The following DPP6 variants were observed in gnomAD, a reference collection of about 807,000 sequenced individuals.
DPP6 encodes the protein dipeptidyl peptidase like 6.
DPP6 carries 69 observed loss-of-function variants against 122.6 expected under a neutral mutation model. That is an observed-to-expected ratio of 0.56 (90% CI 0.46 to 0.69). DPP6 has a LOEUF of 0.69. Ranked by LOEUF, DPP6 falls within the 30% of genes least tolerant of loss-of-function variation. The pLI is 0.00. For synonymous variants in DPP6, 418 were observed against 433.1 expected, an observed-to-expected ratio of 0.97 and a Z score of 0.43; for missense variants, 928 against 1,116.9, an observed-to-expected ratio of 0.83 and a Z score of 2.41.
At chr7:153,779,325 A>G in the DPP6 span, among the ~76,000 whole-genome samples, 1,247 of 151,534 alleles carry the variant, frequency 8.2e-3, 17 homozygotes, top group African/African-American at 0.028. Context: ...AGAACACTCA[A>G]TTATATTTGT....
intron 10 of DPP6, among the ~76,000 whole-genome samples, chr7:154,789,097 C>A (rs1355360462): frequency 2.0e-5 from 3 of 152,176 alleles, no homozygotes; most frequent in Admixed American, 1.3e-4. Flanking sequence ...ACACCTGATA[C>A]CTGGCCACAG....
chr7:154,158,851 A>AG (rs1796828203), intron 1 of DPP6, among the ~76,000 whole-genome samples: 3 of 152,034 alleles, frequency 2.0e-5, no homozygotes, highest in Admixed American at 2.0e-4. Flanking sequence ...CCCAGGGAAC[A>AG]TAGCTGGGCT....
At chr7:153,992,040 T>G (rs1797200548) in intron 1 of DPP6, among the ~76,000 whole-genome samples, 1 of 152,202 alleles carries the variant, frequency 6.6e-6, no homozygotes, top group South Asian at 2.1e-4. Flanking sequence ...AACCTTCTCC[T>G]GCAACCCCAT....
intron 20 of DPP6, 95 bp downstream of exon 20, chr7:154,876,195 C>A: frequency 7.2e-7 from 1 of 1,395,086 alleles, no homozygotes; most frequent in South Asian, 1.8e-5. Context: ...GCTTTTTCTC[C>A]ACGCACACAT....
intron 1 of DPP6, among the ~76,000 whole-genome samples, chr7:154,296,972 C>T (rs1437710102): frequency 6.6e-6 from 1 of 151,904 alleles, no homozygotes; most frequent in African/African-American, 2.4e-5. Context: ...TACATGCTGA[C>T]AAGCCGTGTA....
At chr7:154,806,109 G>A (rs1285806270) in intron 15 of DPP6, among the ~76,000 whole-genome samples, 3 of 152,014 alleles carry the variant, frequency 2.0e-5, no homozygotes, top group Non-Finnish European at 2.9e-5. Context: ...GTCACCATGT[G>A]TCTACTAGGA....
chr7:153,960,910 G>A (rs1192224878), intron 1 of DPP6, among the ~76,000 whole-genome samples: 3 of 152,062 alleles, frequency 2.0e-5, no homozygotes, highest in Non-Finnish European at 4.4e-5. Context: ...CTGTCCAAAG[G>A]GAGGACTGTT....
chr7:154,575,204 CTGTGGTGTGTGTGTGG>C (rs1391973080), intron 5 of DPP6, among the ~76,000 whole-genome samples: 17 of 49,256 alleles, frequency 3.5e-4, no homozygotes, highest in South Asian at 2.1e-3. Flanking sequence ...TGTGTGGTGT[CTGTGGTGTGTGTGTGG>C]TGTGGTGTGT....
intron 17 of DPP6, among the ~76,000 whole-genome samples, chr7:154,862,124 TTGG>T (rs1334452990): frequency 6.6e-6 from 1 of 152,216 alleles, no homozygotes; most frequent in Non-Finnish European, 1.5e-5. Flanking sequence ...GAACTCAGCC[TTGG>T]TGGTCCCTCA....
intron 1 of DPP6, among the ~76,000 whole-genome samples, chr7:154,325,649 G>T (rs770349808): frequency 0.01 from 1,561 of 152,118 alleles, 15 homozygotes; most frequent in Non-Finnish European, 0.018. Context: ...TCAGAAAGTT[G>T]GTTCTTTATT....
intron 2 of DPP6, among the ~76,000 whole-genome samples, chr7:154,461,898 C>T (rs1260120997): frequency 6.6e-6 from 1 of 152,004 alleles, no homozygotes; most frequent in Non-Finnish European, 1.5e-5. Context: ...GCTTTGGTTG[C>T]CTTTGCTAAA....
chr7:153,985,111 T>C (rs1408494043), intron 1 of DPP6, among the ~76,000 whole-genome samples: 5 of 152,352 alleles, frequency 3.3e-5, no homozygotes, highest in Middle Eastern at 3.4e-3. Flanking sequence ...GTACTGTACC[T>C]ATTTGCCCAT....
intron 1 of DPP6, among the ~76,000 whole-genome samples, chr7:154,017,616 C>G (rs1461606954): frequency 6.6e-6 from 1 of 151,032 alleles, no homozygotes; most frequent in Non-Finnish European, 1.5e-5. Flanking sequence ...ATGAAGATTG[C>G]TTGAGCCCGG....
At chr7:154,156,587 T>C (rs1469394676) in intron 1 of DPP6, among the ~76,000 whole-genome samples, 12 of 152,200 alleles carry the variant, frequency 7.9e-5, no homozygotes, top group Non-Finnish European at 1.8e-4. Flanking sequence ...ATAATCTTCA[T>C]AGAAAGTAAA....
the DPP6 span, among the ~76,000 whole-genome samples, chr7:153,830,605 T>C: frequency 6.6e-6 from 1 of 152,174 alleles, no homozygotes; most frequent in African/African-American, 2.4e-5. Context: ...CTCTTTTCTC[T>C]CCCTGTTAAT....
chr7:154,723,557 C>T (rs952322408), intron 7 of DPP6, among the ~76,000 whole-genome samples: 23 of 152,014 alleles, frequency 1.5e-4, no homozygotes, highest in African/African-American at 5.6e-4. Context: ...AGGTTGTATA[C>T]TTGTTTCTGG....
intron 7 of DPP6, among the ~76,000 whole-genome samples, chr7:154,715,965 C>CT (rs1167999868): frequency 1.3e-5 from 2 of 152,214 alleles, no homozygotes. Context: ...CCCGTACATT[C>CT]TGTCACCTAG....
At chr7:154,719,965 C>G (rs1586952652) in intron 7 of DPP6, among the ~76,000 whole-genome samples, 2 of 152,212 alleles carry the variant, frequency 1.3e-5, no homozygotes, top group African/African-American at 4.8e-5. Flanking sequence ...CACGTCCAAC[C>G]TCCCTTATCC....
At position 154,152,011 on chromosome 7, in the gene DPP6, G is replaced by A. The variant is rs779011455; in HGVS notation, c.243+98948G>A. Among the ~76,000 whole-genome samples the A allele has an allele frequency of 5.3e-3, 801 of 150,572 alleles. 10 individuals are homozygous for A. The highest frequency in any genetic ancestry group is 0.019 in the African/African-American group (773 of 40,710). On this transcript the variant is annotated intron_variant, in intron 1 of 25. Coordinates refer to ENST00000377770, the MANE Select transcript of DPP6 (RefSeq NM_130797.4). ...CCTTTCTTTCCTGCCTTCATCTTTC[G>A]CCTCTCTATGCCCTGTTCTTTGAGC...
Sources: allele counts gnomAD v4.1 joint callset (sites outside exome capture counted in the v4.1 genomes callset), GRCh38; gene constraint gnomAD v4.1.1; transcripts MANE v1.5; gene names NCBI Gene and HGNC (gene_info 2026-07-23, HGNC 2026-07-21).